OR51B5: variants seen among roughly 807,000 people sequenced by gnomAD.
OR51B5 encodes the protein olfactory receptor 51B5.
For synonymous variants in OR51B5, 186 were observed against 144.8 expected (o/e 1.28, Z -2.04); for missense variants, 456 against 374.6 (o/e 1.22, Z -1.79).
intron 1 of OR51B5, among the ~76,000 whole-genome samples, chr11:5,486,094 G>A (rs111288287): frequency 4.0e-5 from 6 of 151,674 alleles, no homozygotes; most frequent in African/African-American, 1.2e-4. Context: ...TGCCAACATC[G>A]CGATATCAGA....
intron 1 of OR51B5, chr11:5,453,256 T>C (rs2030093): frequency 0.5 from 184,153 of 369,904 alleles, 48,153 homozygotes; most frequent in African/African-American, 0.68. Context: ...GTTCATAAAA[T>C]AGAGGGAAAT....
intron 1 of OR51B5, among the ~76,000 whole-genome samples, chr11:5,380,475 G>A (rs1214981602): frequency 6.6e-6 from 1 of 152,122 alleles, no homozygotes; most frequent in Non-Finnish European, 1.5e-5. Flanking sequence ...AGAGTGAGGT[G>A]ACCTTGTGGC....
intron 1 of OR51B5, among the ~76,000 whole-genome samples, chr11:5,401,113 C>A (rs775903901): frequency 1.3e-5 from 2 of 152,034 alleles, no homozygotes; most frequent in Non-Finnish European, 2.9e-5. Context: ...CAAAACACAC[C>A]CAATCCAGGC....
chr11:5,368,329 T>C, intron 1 of OR51B5, among the ~76,000 whole-genome samples: 1 of 152,330 alleles, frequency 6.6e-6, no homozygotes, highest in South Asian at 2.1e-4. Flanking sequence ...TCTTTCTGTG[T>C]TTTGGTCCAC....
chr11:5,490,726 T>C (rs1334815735), intron 1 of OR51B5, among the ~76,000 whole-genome samples: 3 of 152,162 alleles, frequency 2.0e-5, no homozygotes, highest in African/African-American at 7.2e-5. Flanking sequence ...TGTCCAGTAT[T>C]TTATTATGGG....
At chr11:5,465,324 T>C (rs1348985099) in intron 1 of OR51B5, among the ~76,000 whole-genome samples, 35 of 151,656 alleles carry the variant, frequency 2.3e-4, no homozygotes, top group Non-Finnish European at 2.9e-5. Context: ...TATCTCATTG[T>C]GGTTTTGATT....
intron 1 of OR51B5, among the ~76,000 whole-genome samples, chr11:5,473,209 T>C (rs1212893819): frequency 6.6e-6 from 1 of 152,238 alleles, no homozygotes; most frequent in Non-Finnish European, 1.5e-5. Flanking sequence ...GCCAATTTTT[T>C]ATATGCCAGA....
At chr11:5,468,827 C>A in intron 1 of OR51B5, 1 of 447,772 alleles carries the variant, frequency 2.2e-6, no homozygotes, top group South Asian at 1.6e-5. Flanking sequence ...GCCATACATG[C>A]TGTTGATGGT....
At chr11:5,370,193 T>G (rs989013991) in intron 1 of OR51B5, among the ~76,000 whole-genome samples, 5 of 152,222 alleles carry the variant, frequency 3.3e-5, no homozygotes. Flanking sequence ...ATCAATGTAT[T>G]TATTATTATC....
At chr11:5,340,960 A>G (rs1848883523), downstream of OR51B5, 1 of 152,136 alleles carries the variant, frequency 6.6e-6, no homozygotes, top group African/African-American at 2.4e-5. Context: ...ATATGCACTC[A>G]CACTCACAAT....
At chr11:5,449,143 G>T (rs1214339919) in intron 1 of OR51B5, among the ~76,000 whole-genome samples, 1 of 152,210 alleles carries the variant, frequency 6.6e-6, no homozygotes, top group African/African-American at 2.4e-5. Context: ...CTGACAGATT[G>T]CTAAGTTCTT....
chr11:5,412,205 C>T (rs1850158834), intron 1 of OR51B5, among the ~76,000 whole-genome samples: 1 of 152,100 alleles, frequency 6.6e-6, no homozygotes, highest in Admixed American at 6.5e-5. Flanking sequence ...AATCATTTGC[C>T]AGAATATGAC....
At chr11:5,394,946 T>G (rs916289791) in intron 1 of OR51B5, among the ~76,000 whole-genome samples, 1 of 152,008 alleles carries the variant, frequency 6.6e-6, no homozygotes, top group African/African-American at 2.4e-5. Context: ...CAAGGGGACT[T>G]TTGTCTGGGA....
intron 1 of OR51B5, chr11:5,389,748 ACT>A: frequency 6.2e-7 from 1 of 1,613,216 alleles, no homozygotes; most frequent in South Asian, 1.1e-5. Flanking sequence ...TTCTGCATCC[ACT>A]CTTTTTCCTT....
chr11:5,404,440 A>T (rs1211782531), intron 1 of OR51B5, among the ~76,000 whole-genome samples: 1 of 152,176 alleles, frequency 6.6e-6, no homozygotes, highest in African/African-American at 2.4e-5. Context: ...TGTCTAGCTA[A>T]CGGTTTGTAA....
chr11:5,478,149 A>G (rs11529358), intron 1 of OR51B5, among the ~76,000 whole-genome samples: 2 of 151,012 alleles, frequency 1.3e-5, no homozygotes, highest in African/African-American at 4.9e-5. Flanking sequence ...TCTCCCAGCA[A>G]GCAGCTGGAG....
chr11:5,378,883 C>A (rs927323235), intron 1 of OR51B5, among the ~76,000 whole-genome samples: 30 of 150,738 alleles, frequency 2.0e-4, no homozygotes, highest in African/African-American at 6.6e-4. Context: ...ACTAGTTCAA[C>A]CATTGTGGAA....
intron 1 of OR51B5, among the ~76,000 whole-genome samples, chr11:5,379,633 G>A (rs1222256862): frequency 6.6e-6 from 1 of 151,812 alleles, no homozygotes. Flanking sequence ...TATGCATTTA[G>A]TTGTGTTTTA....
intron 1 of OR51B5, chr11:5,422,438 C>A (rs1298571555): frequency 6.2e-7 from 1 of 1,614,198 alleles, no homozygotes; most frequent in South Asian, 1.1e-5. Flanking sequence ...CCTCACCACC[C>A]TACCCACAGT....
Sources: allele counts gnomAD v4.1 joint callset (sites outside exome capture counted in the v4.1 genomes callset), GRCh38; gene constraint gnomAD v4.1.1; transcripts MANE v1.5; gene names NCBI Gene and HGNC (gene_info 2026-07-23, HGNC 2026-07-21).